The following DOCK3 variants were observed in gnomAD, a reference collection of about 807,000 sequenced individuals.
The protein encoded by DOCK3 is dedicator of cytokinesis 3.
Under a neutral mutation model 265.6 loss-of-function variants are expected in DOCK3, and 60 were observed. The ratio of observed to expected loss-of-function variants is 0.23; its 90% CI spans 0.18 to 0.28. The LOEUF (loss-of-function observed/expected upper bound fraction) is 0.28, where lower values mean the gene tolerates loss of function less well. DOCK3 is among the 10% of genes least tolerant of loss of function. DOCK3 has a pLI of 1.00. For synonymous variants in DOCK3, 881 were observed against 938.0 expected (o/e 0.94, Z 1.11); for missense variants, 1,981 against 2,594.3 (o/e 0.76, Z 5.14).
At chr3:50,888,101 C>T (rs970838420) in intron 3 of DOCK3, among the ~76,000 whole-genome samples, 3 of 152,016 alleles carry the variant, frequency 2.0e-5, no homozygotes, top group Non-Finnish European at 2.9e-5. Context: ...GATTGTATAT[C>T]TAGAAAACCC....
intron 10 of DOCK3, among the ~76,000 whole-genome samples, chr3:51,150,137 A>G (rs374301329): frequency 1.3e-5 from 2 of 152,112 alleles, no homozygotes; most frequent in Non-Finnish European, 2.9e-5. Flanking sequence ...AGAGGTGTTT[A>G]TAGTATTCTC....
chr3:50,769,992 A>G (rs988622641), intron 1 of DOCK3, among the ~76,000 whole-genome samples: 41 of 152,262 alleles, frequency 2.7e-4, no homozygotes, highest in Admixed American at 2.4e-3. Flanking sequence ...AGAATTCAGT[A>G]AAGTTGCAGG....
intron 14 of DOCK3, among the ~76,000 whole-genome samples, chr3:51,216,340 C>A (rs898770156): frequency 6.6e-6 from 1 of 152,210 alleles, no homozygotes; most frequent in Non-Finnish European, 1.5e-5. Context: ...CACAGCTAGA[C>A]ATGACTCTGG....
At chr3:51,233,232 A>G (rs911698037) in intron 19 of DOCK3, among the ~76,000 whole-genome samples, 8 of 152,270 alleles carry the variant, frequency 5.3e-5, no homozygotes, top group African/African-American at 1.7e-4. Context: ...CATTTTAACA[A>G]TATCGATTCT....
At chr3:50,864,455 T>C (rs1354725964) in intron 3 of DOCK3, among the ~76,000 whole-genome samples, 5 of 152,210 alleles carry the variant, frequency 3.3e-5, no homozygotes, top group African/African-American at 1.2e-4. Flanking sequence ...TATAATCCCA[T>C]TTATCTGTTT....
chr3:51,365,619 G>C (rs1378288551), intron 49 of DOCK3, among the ~76,000 whole-genome samples: 4 of 152,188 alleles, frequency 2.6e-5, no homozygotes, highest in African/African-American at 4.8e-5. Flanking sequence ...TATTGGCTGT[G>C]GGTTTGTCAT....
chr3:51,299,038 C>T (rs928577262), intron 27 of DOCK3, among the ~76,000 whole-genome samples: 3 of 152,136 alleles, frequency 2.0e-5, no homozygotes, highest in African/African-American at 2.4e-5. Context: ...TCCCACCAAC[C>T]GTGTAAAAGC....
At chr3:50,826,741 G>A (rs1050004550) in intron 2 of DOCK3, among the ~76,000 whole-genome samples, 1 of 152,146 alleles carries the variant, frequency 6.6e-6, no homozygotes, top group Admixed American at 6.5e-5. Context: ...CCACAAAAGA[G>A]CTCTTGGAAA....
intron 1 of DOCK3, among the ~76,000 whole-genome samples, chr3:50,718,090 C>T (rs2037241166): frequency 1.3e-5 from 2 of 152,160 alleles, no homozygotes; most frequent in Admixed American, 6.5e-5. Flanking sequence ...ATCTGCCTCT[C>T]ACCTTCTTTC....
At chr3:51,218,582 T>C (rs2089921999) in intron 14 of DOCK3, among the ~76,000 whole-genome samples, 1 of 152,198 alleles carries the variant, frequency 6.6e-6, no homozygotes, top group African/African-American at 2.4e-5. Flanking sequence ...CTGTAGTCAG[T>C]GGAAATAAAG....
chr3:50,895,654 A>G (rs911031957), intron 4 of DOCK3, among the ~76,000 whole-genome samples: 5 of 151,990 alleles, frequency 3.3e-5, no homozygotes, highest in Non-Finnish European at 7.4e-5. Context: ...TCCTAATGCT[A>G]TCCCTCCCCT....
intron 5 of DOCK3, among the ~76,000 whole-genome samples, chr3:50,937,689 A>G (rs1049585770): frequency 3.9e-5 from 6 of 152,186 alleles, no homozygotes; most frequent in Non-Finnish European, 8.8e-5. Context: ...AAAAATTAAT[A>G]CTGGTAGGCT....
At chr3:51,095,958 C>T (rs1165178418) in intron 9 of DOCK3, among the ~76,000 whole-genome samples, 1 of 145,998 alleles carries the variant, frequency 6.8e-6, no homozygotes, top group Non-Finnish European at 1.5e-5. Context: ...CGCTCTCTGG[C>T]TTGTAAAGCT....
At chr3:51,280,572 C>A (rs2081055885) in intron 27 of DOCK3, among the ~76,000 whole-genome samples, 1 of 152,004 alleles carries the variant, frequency 6.6e-6, no homozygotes, top group African/African-American at 2.4e-5. Flanking sequence ...TGTTTTAATA[C>A]CTTTAATAAT....
At chr3:51,176,477 T>A (rs199886232) in intron 12 of DOCK3, among the ~76,000 whole-genome samples, 1 of 151,260 alleles carries the variant, frequency 6.6e-6, no homozygotes, top group African/African-American at 2.4e-5. Flanking sequence ...AAAAAAAAAA[T>A]TAGCCAAGCG....
intron 2 of DOCK3, among the ~76,000 whole-genome samples, chr3:50,831,049 T>C (rs908084957): frequency 6.6e-5 from 10 of 152,168 alleles, no homozygotes; most frequent in African/African-American, 2.4e-4. Context: ...TACACTGTCA[T>C]GGCACTGGTG....
chr3:51,227,738 T>G (rs1042848224), intron 16 of DOCK3, among the ~76,000 whole-genome samples: 4 of 152,206 alleles, frequency 2.6e-5, no homozygotes, highest in Non-Finnish European at 4.4e-5. Flanking sequence ...AACTGCTTAT[T>G]AAAGAGACCC....
chr3:51,134,402 G>C (rs1221502443), intron 9 of DOCK3, among the ~76,000 whole-genome samples: 1 of 152,214 alleles, frequency 6.6e-6, no homozygotes, highest in Non-Finnish European at 1.5e-5. Context: ...TGTAACAGCA[G>C]ATTTACTCAT....
intron 5 of DOCK3, among the ~76,000 whole-genome samples, chr3:51,019,566 T>A (rs2079499367): frequency 6.6e-6 from 1 of 151,876 alleles, no homozygotes. Flanking sequence ...GATCAACCCA[T>A]CACCTAGGTA....
Sources: allele counts gnomAD v4.1 joint callset (sites outside exome capture counted in the v4.1 genomes callset), GRCh38; gene constraint gnomAD v4.1.1; transcripts MANE v1.5; gene names NCBI Gene and HGNC (gene_info 2026-07-23, HGNC 2026-07-21).